Variants in KRT7 observed in about 807,000 individuals in gnomAD.
KRT7 encodes keratin 7.
A neutral mutation model predicts 42.8 loss-of-function variants in KRT7; 50 were observed. The ratio of observed to expected loss-of-function variants is 1.17; its 90% CI spans 0.93 to 1.48. The LOEUF (loss-of-function observed/expected upper bound fraction) is 1.48. KRT7 is among the 40% of genes most tolerant of loss of function. The pLI, the probability that KRT7 is intolerant of heterozygous loss-of-function variation, is 0.00. For synonymous variants in KRT7, 268 were observed against 266.3 expected (o/e 1.01, Z -0.06); for missense variants, 588 against 637.6 (o/e 0.92, Z 0.84).
downstream of KRT7, among the ~76,000 whole-genome samples, chr12:52,250,940 C>T (rs1460386265): frequency 1.3e-5 from 2 of 152,228 alleles, no homozygotes; most frequent in Non-Finnish European, 2.9e-5. Context: ...TAGCCTACTA[C>T]ACACCTGGGC....
downstream of KRT7, among the ~76,000 whole-genome samples, chr12:52,252,732 T>G (rs10783505): frequency 0.5 from 75,635 of 152,092 alleles, 19,053 homozygotes; most frequent in East Asian, 0.59. Flanking sequence ...CATTTCTGCA[T>G]GGCCTGCCTC....
chr12:52,248,004 T>C (rs917227805), intron 7 of KRT7, 173 bp from the exon 8 acceptor site: 46 of 655,420 alleles, frequency 7.0e-5, no homozygotes, highest in Middle Eastern at 2.5e-4. Context: ...AGGTGAACAC[T>C]CCCTTCCTGC....
chr12:52,241,573 G>A lies in KRT7; in HGVS notation c.795G>A (p.Lys265=), dbSNP rs1275310293. The change falls in exon 5 of 9, where the codon AAG becomes AAA. Residue 265 remains lysine (K), a synonymous_variant. Coordinates refer to ENST00000331817, the MANE Select transcript of KRT7 (RefSeq NM_005556.4). ...LDLDGIIAEV[K]AQYEEMAKCS... is the part of the protein sequence containing the mutation. The stretch of plus-strand genomic sequence containing the variant: ...TGGACGGCATCATCGCTGAGGTCAA[G>A]GCGCAGTATGAGGAGATGGCCAAAT... 7 of 1,613,924 alleles carry A rather than the reference G, an allele frequency of 4.3e-6. No homozygotes were observed. The highest frequency in any genetic ancestry group is 5.9e-6 in the Non-Finnish European group (7 of 1,179,956).
At chr12:52,239,626 A>T (rs1002304226) in intron 4 of KRT7, among the ~76,000 whole-genome samples, 1 of 152,006 alleles carries the variant, frequency 6.6e-6, no homozygotes, top group Non-Finnish European at 1.5e-5. Flanking sequence ...ATTGGGTGGG[A>T]CTGGAAGGAA....
At chr12:52,238,199 T>TTCACCTGGGGTGTTATCTGAGGC (rs1488314299) in intron 3 of KRT7, among the ~76,000 whole-genome samples, 4 of 152,204 alleles carry the variant, frequency 2.6e-5, no homozygotes, top group Non-Finnish European at 4.4e-5. Flanking sequence ...AGACACCATC[T>TTCACCTGGGGTGTTATCTGAGGC]TCACCTGGGG....
intron 6 of KRT7, 68 bp downstream of exon 6, chr12:52,243,205 T>A: frequency 6.5e-7 from 1 of 1,539,602 alleles, no homozygotes; most frequent in Admixed American, 1.9e-5. Flanking sequence ...GAGGCCAAAC[T>A]CAGGATGTGG....
intron 1 of KRT7, 138 bp downstream of exon 1, chr12:52,233,758 C>G (rs1175457830): frequency 1.2e-6 from 1 of 859,676 alleles, no homozygotes; most frequent in Admixed American, 1.9e-5. Flanking sequence ...GTTGGGGACA[C>G]GATCTGGGGG....
In KRT7 at chr12:52,245,640, C is replaced by A. The variant is rs767455714; in HGVS notation, c.1205+8C>A. The stretch of plus-strand genomic sequence containing the variant: ...GGAGGGCGAGGAGAGCCGGTGAGGA[C>A]AAGGAACCTGGAAAGGGGATGCTTC... On this transcript the variant is annotated splice_region_variant and intron_variant, in intron 7 of 8. Transcript: ENST00000331817. 9.3e-6 allele frequency: 15 copies of A among 1,613,178 alleles called. No individual in the cohort carries two copies. Among genetic ancestry groups the A allele is most frequent in the Non-Finnish European group, 1.3e-5 (15 of 1,179,996 alleles).
downstream of KRT7, chr12:52,254,291 A>G: frequency 1.0e-6 from 1 of 977,382 alleles, no homozygotes; most frequent in Non-Finnish European, 1.6e-6. Context: ...CCGCCTCAGG[A>G]AGTCGATCTC....
At chr12:52,235,064 C>T in intron 1 of KRT7, 91 bp from the exon 2 acceptor site, 1 of 1,240,682 alleles carries the variant, frequency 8.1e-7, no homozygotes, top group Non-Finnish European at 1.2e-6. Context: ...GAGCATGGCT[C>T]TGCTAAGTGG....
chr12:52,253,406 A>G, downstream of KRT7: 4 of 1,590,272 alleles, frequency 2.5e-6, no homozygotes, highest in South Asian at 4.4e-5. Flanking sequence ...ACCACGGATG[A>G]TTGTGCAGGT....
At chr12:52,248,516 T>C in intron 8 of KRT7, 75 bp from the exon 9 acceptor site, 1 of 1,393,528 alleles carries the variant, frequency 7.2e-7, no homozygotes, top group Middle Eastern at 2.0e-4. Context: ...GGCAGGAGGG[T>C]GGGGTGCAGT....
At chr12:52,252,543 A>G, downstream of KRT7, 3 of 1,580,696 alleles carry the variant, frequency 1.9e-6, no homozygotes, top group East Asian at 2.3e-5. Flanking sequence ...GAGGCCAGGT[A>G]ACCACTGACC....
chr12:52,253,068 C>T (rs776653042), downstream of KRT7: 18 of 785,930 alleles, frequency 2.3e-5, no homozygotes, highest in Non-Finnish European at 3.7e-5. Flanking sequence ...GAATGGAGAA[C>T]GTTTTCCATG....
intron 1 of KRT7, 36 bp downstream of exon 1, chr12:52,233,656 C>T (rs1447041931): frequency 1.2e-6 from 2 of 1,601,052 alleles, no homozygotes; most frequent in African/African-American, 2.7e-5. Flanking sequence ...CCTCGAGCCG[C>T]GCTCCAGACC....
At chr12:52,253,648 T>C (rs1942299416), downstream of KRT7, 1 of 1,529,954 alleles carries the variant, frequency 6.5e-7, no homozygotes, top group Non-Finnish European at 8.9e-7. Context: ...CGGGTGGCAA[T>C]GTCATCGTAC....
chr12:52,253,480 A>G (rs1159384915), downstream of KRT7: 12 of 1,541,854 alleles, frequency 7.8e-6, no homozygotes, highest in African/African-American at 1.4e-5. Flanking sequence ...AACCTCAGAG[A>G]GGCAGCCCTT....
At position 52,241,605 on chromosome 12, in the gene KRT7, G is replaced by A. The variant is rs1392622714; in HGVS notation, c.827G>A (p.Arg276Gln). The A allele has an allele frequency of 2.5e-6, 4 of 1,612,318 alleles. No individual in the cohort carries two copies. Among genetic ancestry groups the A allele is most frequent in the African/African-American group, 1.3e-5 (1 of 74,838 alleles). The change falls in exon 5 of 9, where the codon CGG becomes CAG. Residue 276 changes from arginine (R) to glutamine (Q), a missense_variant. Transcript: ENST00000331817. ...AQYEEMAKCSRAEAEAWYQTK... is the reference protein window; with the variant it reads ...AQYEEMAKCSQAEAEAWYQTK... ...TATGAGGAGATGGCCAAATGCAGCC[G>A]GGCTGAGGCTGAAGCCTGGTACCAG...
chr12:52,241,621 C>G lies in KRT7; in HGVS notation c.843C>G (p.Ala281=), dbSNP rs1304296653. 4 of 1,610,566 alleles carry G rather than the reference C, an allele frequency of 2.5e-6. No homozygotes were observed. Among genetic ancestry groups the G allele is most frequent in the Admixed American group, 3.3e-5 (2 of 59,788 alleles). Residue 281 remains alanine, a synonymous_variant, in exon 5 of 9, where the codon GCC becomes GCG. Coordinates refer to ENST00000331817, the MANE Select transcript of KRT7 (RefSeq NM_005556.4). ...MAKCSRAEAE[A]WYQTKFETLQ... Reference sequence around the variant, plus strand: ...AATGCAGCCGGGCTGAGGCTGAAGCCTGGTACCAGACCAAGGTGTGAGGCC... The same window carrying G: ...AATGCAGCCGGGCTGAGGCTGAAGCGTGGTACCAGACCAAGGTGTGAGGCC...
Sources: gnomAD v4.1 joint callset for allele counts (sites outside exome capture counted in the v4.1 genomes callset) on GRCh38, gnomAD v4.1.1 for gene constraint, MANE v1.5 for transcripts, NCBI Gene and HGNC (gene_info 2026-07-23, HGNC 2026-07-21) for gene names.